Variants in VRK3 observed in about 807,000 individuals in gnomAD.
VRK3 encodes the protein VRK serine/threonine kinase 3.
In VRK3, 50 loss-of-function variants were observed where a neutral mutation model predicts 60.4. That is an observed-to-expected ratio of 0.83 (90% CI 0.66 to 1.05). VRK3 has a LOEUF of 1.05. Ranked by LOEUF, VRK3 falls within the 50% of genes least tolerant of loss-of-function variation. The pLI, the probability that VRK3 is intolerant of heterozygous loss-of-function variation, is 0.00. For missense variants in VRK3, 549 were observed against 585.3 expected, an observed-to-expected ratio of 0.94 and a Z score of 0.64; for synonymous variants, 246 against 227.8, an observed-to-expected ratio of 1.08 and a Z score of -0.72.
chr19:50,007,952 C>A lies in VRK3; in HGVS notation c.290-126G>T. 3 of 1,362,262 alleles carry A rather than the reference C, an allele frequency of 2.2e-6. No homozygotes were observed. In the South Asian group the frequency reaches 4.2e-5, roughly 19 times the overall value. 84.4% of individuals were successfully genotyped at this position (1,362,262 alleles called of 1,614,324 possible). ...TTCATTCAACAAACATTTCCTGGGA[C>A]CTTCTATGAGTCAGGCCTTTGTGTG... On this transcript the variant is annotated intron_variant, in intron 4 of 14. Coordinates refer to ENST00000316763, the MANE Select transcript of VRK3 (RefSeq NM_016440.4).
At chr19:50,010,157 A>G (rs560001248) in intron 3 of VRK3, among the ~76,000 whole-genome samples, 10 of 152,278 alleles carry the variant, frequency 6.6e-5, no homozygotes, top group African/African-American at 2.4e-4. Context: ...ATACATATAC[A>G]CACATACAAT....
At chr19:49,995,890 A>G (rs1013351804) in intron 7 of VRK3, among the ~76,000 whole-genome samples, 2 of 152,132 alleles carry the variant, frequency 1.3e-5, no homozygotes, top group Non-Finnish European at 2.9e-5. Context: ...CTGGGATTGC[A>G]GGCTTCTGCC....
intron 9 of VRK3, among the ~76,000 whole-genome samples, chr19:49,994,081 C>T (rs529928205): frequency 7.2e-5 from 11 of 152,286 alleles, no homozygotes; most frequent in Admixed American, 2.6e-4. Flanking sequence ...CCATCTCTTC[C>T]GCACTGCAGT....
chr19:50,001,910 G>C (rs552570850), intron 5 of VRK3, among the ~76,000 whole-genome samples: 2 of 152,026 alleles, frequency 1.3e-5, no homozygotes, highest in African/African-American at 4.8e-5. Flanking sequence ...CAGCACCAGC[G>C]ATGTGTGCAG....
chr19:50,014,543 C>T (rs1465771159), intron 3 of VRK3, among the ~76,000 whole-genome samples: 1 of 152,214 alleles, frequency 6.6e-6, no homozygotes. Context: ...CGCCACTGCA[C>T]CCCAGCCTGG....
chr19:49,986,777 A>T (rs2076523372), intron 12 of VRK3: 2 of 152,044 alleles, frequency 1.3e-5, no homozygotes, highest in Admixed American at 1.3e-4. Context: ...AGATAATCTC[A>T]TCCTCTCCTG....
chr19:50,007,280 G>C (rs1211047135), intron 5 of VRK3, among the ~76,000 whole-genome samples: 1 of 151,750 alleles, frequency 6.6e-6, no homozygotes, highest in Non-Finnish European at 1.5e-5. Context: ...CGTGACAATA[G>C]CAGGTAGCAG....
intron 14 of VRK3, among the ~76,000 whole-genome samples, chr19:49,977,502 G>A (rs1160651264): frequency 1.3e-5 from 2 of 152,080 alleles, no homozygotes; most frequent in African/African-American, 4.8e-5. Flanking sequence ...TGGCACTGAC[G>A]ACGGGAAGCC....
rs776888293 is a variant in VRK3, at chr19:49,980,937, G to A, written c.1276+18C>T. The stretch of plus-strand genomic sequence containing the variant: ...CCTGCCCGAGTCCCCGCCTGTTCCC[G>A]CTCCCTTCAGGACGTACCTGAGGGC... On this transcript the variant is annotated intron_variant, in intron 13 of 14. Transcript: ENST00000316763. The A allele has an allele frequency of 2.6e-5, 42 of 1,603,080 alleles. No individual in the cohort carries two copies. The highest frequency in any genetic ancestry group is 3.3e-4 in the Middle Eastern group (2 of 6,050).
In VRK3 at chr19:50,014,400, A is replaced by C. The variant is rs146125000; in HGVS notation, c.139+1624T>G. ...TGGTGAAACCCTGTCTCTACTAAAA[A>C]TACAAAAAATCAACTGGGCTTGGTG... On this transcript the variant is annotated intron_variant, in intron 3 of 14. Coordinates refer to ENST00000316763, the MANE Select transcript of VRK3 (RefSeq NM_016440.4). 2.5e-3 allele frequency among the ~76,000 whole-genome samples: 377 copies of C among 151,366 alleles called. 14 individuals are homozygous for C. The East Asian group carries it at 0.059, about 24-fold the overall frequency.
At chr19:50,024,147 A>G (rs1383496941) in intron 1 of VRK3, among the ~76,000 whole-genome samples, 1 of 152,180 alleles carries the variant, frequency 6.6e-6, no homozygotes, top group Non-Finnish European at 1.5e-5. Context: ...CATGTTGGCC[A>G]GGCTGGTCTC....
At chr19:50,015,136 G>A (rs562222350) in intron 3 of VRK3, among the ~76,000 whole-genome samples, 18 of 152,186 alleles carry the variant, frequency 1.2e-4, no homozygotes, top group Non-Finnish European at 2.1e-4. Flanking sequence ...AGGGCAGGCG[G>A]CAGGAACACC....
At chr19:50,001,065 G>T in intron 5 of VRK3, 1 of 540,106 alleles carries the variant, frequency 1.9e-6, no homozygotes, top group Non-Finnish European at 3.3e-6. Context: ...TGCAGGAAGG[G>T]CTAATGCAGC....
chr19:50,013,027 C>T (rs1048386462), intron 3 of VRK3, among the ~76,000 whole-genome samples: 3 of 151,428 alleles, frequency 2.0e-5, no homozygotes, highest in African/African-American at 4.9e-5. Flanking sequence ...AATAGCTGGG[C>T]GTGGTGGTGG....
intron 1 of VRK3, among the ~76,000 whole-genome samples, chr19:50,021,075 A>G (rs3745495): frequency 0.14 from 20,679 of 152,288 alleles, 1,534 homozygotes; most frequent in Middle Eastern, 0.23. Flanking sequence ...GAAACCAGGG[A>G]GCGAGCTGTC....
chr19:50,007,586 TG>T lies in VRK3; in HGVS notation c.529del (p.Gln177ArgfsTer131). The T allele has an allele frequency of 6.2e-7, 1 of 1,614,226 alleles. No individual in the cohort carries two copies. Among genetic ancestry groups the T allele is most frequent in the Non-Finnish European group, 8.5e-7 (1 of 1,180,042 alleles). On this transcript the variant is annotated frameshift_variant, in exon 5 of 15. Transcript: ENST00000316763. LOFTEE classifies it high-confidence loss of function. ...KLKSFQTRDN[Q>X]GILYEAAPTS... The stretch of plus-strand genomic sequence containing the variant: ...GAGTGTACCTTCATAGAGAATGCCC[TG>T]GTTGTCCCTGGTCTGGAAGGACTTC...
At chr19:49,992,782 T>G in intron 10 of VRK3, 78 bp downstream of exon 10, 2 of 1,370,734 alleles carry the variant, frequency 1.5e-6, no homozygotes, top group Non-Finnish European at 2.1e-6. Context: ...ATAAGCACTA[T>G]GAAATAAATA....
chr19:49,999,998 T>G (rs983672550), intron 6 of VRK3: 1 of 152,152 alleles, frequency 6.6e-6, no homozygotes, highest in Non-Finnish European at 1.5e-5. Flanking sequence ...TCAAAGCAGG[T>G]GCTACCCACC....
At chr19:49,996,056 G>A (rs2076698665) in intron 7 of VRK3, among the ~76,000 whole-genome samples, 2 of 151,990 alleles carry the variant, frequency 1.3e-5, no homozygotes, top group Non-Finnish European at 2.9e-5. Context: ...CGAGTAGCTG[G>A]GATCACAGGC....
Sources: gnomAD v4.1 joint callset for allele counts (sites outside exome capture counted in the v4.1 genomes callset) on GRCh38, gnomAD v4.1.1 for gene constraint, MANE v1.5 for transcripts, NCBI Gene and HGNC (gene_info 2026-07-23, HGNC 2026-07-21) for gene names.